SLIT2: variants seen among roughly 807,000 people sequenced by gnomAD.
SLIT2 encodes the protein slit homolog 2 protein.
In SLIT2, 41 loss-of-function variants were observed where a neutral mutation model predicts 185.7. The observed-to-expected ratio is 0.22, with a 90% CI of 0.17 to 0.29. SLIT2 has a LOEUF of 0.29. Among genes scored for constraint, SLIT2 ranks in the 10% least tolerant of loss-of-function variants. SLIT2 has a pLI of 1.00. For synonymous variants in SLIT2, 693 were observed against 680.2 expected (o/e 1.02, Z -0.29); for missense variants, 1,571 against 1,909.0 (o/e 0.82, Z 3.30).
chr4:20,479,436 T>C (rs1466837620), intron 5 of SLIT2, among the ~76,000 whole-genome samples: 2 of 152,118 alleles, frequency 1.3e-5, no homozygotes, highest in East Asian at 3.9e-4. Context: ...GAGGACAGGA[T>C]GCATTTGTAT....
intron 17 of SLIT2, 136 bp from the exon 18 acceptor site, chr4:20,533,436 C>A: frequency 1.6e-6 from 1 of 643,728 alleles, no homozygotes; most frequent in African/African-American, 1.8e-5. Context: ...GAAGTGGAAT[C>A]TTTTCAGAGC....
chr4:20,293,963 T>A (rs926536729), intron 4 of SLIT2, among the ~76,000 whole-genome samples: 1 of 152,116 alleles, frequency 6.6e-6, no homozygotes, highest in African/African-American at 2.4e-5. Flanking sequence ...GGTGTTTGCA[T>A]TTGTCAATAT....
intron 4 of SLIT2, among the ~76,000 whole-genome samples, chr4:20,402,543 G>T (rs1312903074): frequency 1.3e-5 from 2 of 151,722 alleles, no homozygotes; most frequent in Non-Finnish European, 2.9e-5. Flanking sequence ...TCAGCCTAAA[G>T]AAATAAAAGG....
At chr4:20,302,292 A>G (rs1268590363) in intron 4 of SLIT2, among the ~76,000 whole-genome samples, 1 of 152,182 alleles carries the variant, frequency 6.6e-6, no homozygotes, top group Non-Finnish European at 1.5e-5. Flanking sequence ...TCTGATATAG[A>G]TTTCAGTCTT....
At chr4:20,306,801 G>C (rs995311976) in intron 4 of SLIT2, among the ~76,000 whole-genome samples, 3 of 152,030 alleles carry the variant, frequency 2.0e-5, no homozygotes, top group Non-Finnish European at 2.9e-5. Context: ...TCAGATTCCA[G>C]ATTATTGGTG....
chr4:20,274,223 C>T (rs1257294905), intron 4 of SLIT2, among the ~76,000 whole-genome samples: 2 of 152,040 alleles, frequency 1.3e-5, no homozygotes, highest in East Asian at 3.9e-4. Context: ...ATTAAAACAC[C>T]AAGTCCTTCA....
In SLIT2 at chr4:20,253,705, C is replaced by G. The variant is rs1722218296; in HGVS notation, c.-111C>G. The G allele has an allele frequency of 1.5e-6, 2 of 1,319,556 alleles. No homozygotes were observed. Among genetic ancestry groups the G allele is most frequent in the South Asian group, 1.3e-5 (1 of 75,994 alleles). The allele number at this position is 1,319,556 out of a possible 1,614,324, so 81.7% of individuals were successfully genotyped here. A position where few individuals can be genotyped will look rare whatever the true frequency, so the allele number is the denominator to read the frequency against. On this transcript the variant is annotated 5_prime_UTR_variant, in exon 1 of 37. Coordinates refer to ENST00000504154, the MANE Select transcript of SLIT2 (RefSeq NM_004787.4). ...TTTGGTGCACATTTTCCCTGGCACT[C>G]TGGGTTGCTAGCCCCGCCGGGCACT...
intron 4 of SLIT2, among the ~76,000 whole-genome samples, chr4:20,390,255 T>C (rs1417795792): frequency 6.6e-6 from 1 of 152,120 alleles, no homozygotes; most frequent in Non-Finnish European, 1.5e-5. Context: ...AAATGTAAAA[T>C]ATTGTATATA....
At chr4:20,373,572 G>A (rs779521708) in intron 4 of SLIT2, among the ~76,000 whole-genome samples, 34 of 152,004 alleles carry the variant, frequency 2.2e-4, no homozygotes, top group Non-Finnish European at 4.1e-4. Flanking sequence ...ATATGCACAT[G>A]TATATGTGTT....
At position 20,254,843 on chromosome 4, in the gene SLIT2, C is replaced by T. The variant is rs1051360105; in HGVS notation, c.179+849C>T. 1 of 440,740 alleles carries T rather than the reference C, an allele frequency of 2.3e-6. No homozygotes were observed. Among genetic ancestry groups the T allele is most frequent in the Non-Finnish European group, 4.6e-6 (1 of 219,046 alleles). The allele number at this position is 440,740 out of a possible 1,614,324, so 27.3% of individuals were successfully genotyped here. A position where few individuals can be genotyped will look rare whatever the true frequency, so the allele number is the denominator to read the frequency against. On this transcript the variant is annotated intron_variant, in intron 1 of 36. Transcript: ENST00000504154. The surrounding 1 kb of genome is among the most constrained non-coding windows in gnomAD (Gnocchi z 5.1). ...ATCCACCTTTCTGGCAGTTTCTGCGCCCCTTCACGTGGCAGCAGTTCCCCT... is the reference window on the plus strand; with the variant it reads ...ATCCACCTTTCTGGCAGTTTCTGCGTCCCTTCACGTGGCAGCAGTTCCCCT...
At chr4:20,372,185 A>G (rs1723641119) in intron 4 of SLIT2, among the ~76,000 whole-genome samples, 2 of 152,086 alleles carry the variant, frequency 1.3e-5, no homozygotes, top group South Asian at 4.1e-4. Context: ...AATTCTTCAG[A>G]CCAGTCTTAG....
chr4:20,472,340 A>C (rs1293869819), intron 5 of SLIT2, among the ~76,000 whole-genome samples: 3 of 62,290 alleles, frequency 4.8e-5, no homozygotes, highest in Admixed American at 2.0e-4. Flanking sequence ...ATATAGATCT[A>C]TATATAGATA....
At chr4:20,343,557 A>G (rs1229794032) in intron 4 of SLIT2, among the ~76,000 whole-genome samples, 4 of 152,016 alleles carry the variant, frequency 2.6e-5, no homozygotes, top group Admixed American at 2.0e-4. Flanking sequence ...GCTGGAGGGC[A>G]CCGACAGCAT....
At chr4:20,601,618 CT>C (rs202163743) in intron 33 of SLIT2, among the ~76,000 whole-genome samples, 3 of 151,970 alleles carry the variant, frequency 2.0e-5, no homozygotes, top group African/African-American at 7.3e-5. Context: ...ATTTTTTGGC[CT>C]TTTTTCAAAT....
intron 4 of SLIT2, among the ~76,000 whole-genome samples, chr4:20,299,999 A>C (rs963319660): frequency 2.0e-5 from 3 of 152,142 alleles, no homozygotes; most frequent in African/African-American, 2.4e-5. Context: ...TCTTATAAAT[A>C]TAACCTTTTC....
At chr4:20,510,048 T>A (rs1005486426) in intron 9 of SLIT2, among the ~76,000 whole-genome samples, 1 of 152,160 alleles carries the variant, frequency 6.6e-6, no homozygotes, top group South Asian at 2.1e-4. Context: ...ATGCTTTCCA[T>A]AGAGGAAATA....
chr4:20,573,875 G>A (rs184984766), intron 29 of SLIT2, among the ~76,000 whole-genome samples: 87 of 152,024 alleles, frequency 5.7e-4, no homozygotes, highest in East Asian at 3.9e-4. Context: ...AATTATTGGC[G>A]TCAATATGGG....
At chr4:20,441,265 T>G (rs1227174151) in intron 4 of SLIT2, among the ~76,000 whole-genome samples, 1 of 152,220 alleles carries the variant, frequency 6.6e-6, no homozygotes, top group Non-Finnish European at 1.5e-5. Flanking sequence ...TGCCTTTCTT[T>G]AAGCTCATAC....
chr4:20,562,873 T>G (rs1488080969), intron 26 of SLIT2, among the ~76,000 whole-genome samples: 2 of 151,702 alleles, frequency 1.3e-5, no homozygotes, highest in African/African-American at 4.8e-5. Flanking sequence ...TGCTAGAGGA[T>G]TTTGTTATTT....
Sources: allele counts gnomAD v4.1 joint callset (sites outside exome capture counted in the v4.1 genomes callset), GRCh38; gene constraint gnomAD v4.1.1; non-coding constraint Gnocchi (gnomAD v3.1); transcripts MANE v1.5; gene names NCBI Gene and HGNC (gene_info 2026-07-23, HGNC 2026-07-21).